HNRNPA2B1: variants seen among roughly 807,000 people sequenced by gnomAD.
The protein encoded by HNRNPA2B1 is heterogeneous nuclear ribonucleoproteins A2/B1.
Under a neutral mutation model 46.3 loss-of-function variants are expected in HNRNPA2B1, and 3 were observed. That is an observed-to-expected ratio of 0.06 (90% CI 0.03 to 0.17). The LOEUF (loss-of-function observed/expected upper bound fraction) is 0.17, where lower values mean the gene tolerates loss of function less well. Among genes scored for constraint, HNRNPA2B1 ranks in the 10% least tolerant of loss-of-function variants. HNRNPA2B1 has a pLI of 1.00. For synonymous variants in HNRNPA2B1, 225 were observed against 133.8 expected, an observed-to-expected ratio of 1.68 and a Z score of -4.70; for missense variants, 221 against 418.9, an observed-to-expected ratio of 0.53 and a Z score of 4.12.
chr7:26,193,170 GTATGTTATCTTCCC>G, intron 9 of HNRNPA2B1, 67 bp downstream of exon 9: 1 of 1,365,928 alleles, frequency 7.3e-7, no homozygotes, highest in Non-Finnish European at 1.0e-6. Context: ...AAACTACTTA[GTATGTTATCTTCCC>G]TTTAAGTCAC....
Position 26,193,771 on chromosome 7 carries a change from C to T in HNRNPA2B1, c.722-77G>A, listed in dbSNP as rs1169426492. ...TGAACTGTCTCCTCACATCCATTTCCAGCTTTCCAAGTTTCCATGTGAAAT... is the reference window on the plus strand; with the variant it reads ...TGAACTGTCTCCTCACATCCATTTCTAGCTTTCCAAGTTTCCATGTGAAAT... On this transcript the variant is annotated intron_variant, in intron 7 of 10. Transcript: ENST00000618183. The T allele has an allele frequency of 8.9e-6, 11 of 1,237,668 alleles. No homozygotes were observed. In the East Asian group the frequency reaches 2.7e-4, roughly 30 times the overall value. The allele number at this position is 1,237,668 out of a possible 1,614,324, so 76.7% of individuals were successfully genotyped here.
chr7:26,196,115 T>TA (rs1216100539), intron 6 of HNRNPA2B1, among the ~76,000 whole-genome samples: 13 of 152,184 alleles, frequency 8.5e-5, no homozygotes, highest in African/African-American at 2.4e-5. Context: ...GTCTCAATCT[T>TA]AGAGATTCCA....
intron 1 of HNRNPA2B1, 71 bp from the exon 2 acceptor site, chr7:26,197,803 AAT>A: frequency 1.2e-6 from 2 of 1,604,704 alleles, no homozygotes; most frequent in Non-Finnish European, 1.7e-6. Flanking sequence ...TAAATTCTTA[AAT>A]ATGAGGTGAC....
intron 1 of HNRNPA2B1, chr7:26,199,428 G>A (rs1286828369): frequency 2.0e-5 from 3 of 152,242 alleles, no homozygotes; most frequent in South Asian, 2.1e-4. Context: ...TTACAGGAAG[G>A]AGCCTCTGAA....
intron 9 of HNRNPA2B1, 91 bp from the exon 10 acceptor site, chr7:26,192,668 C>A (rs1483898871): frequency 6.6e-6 from 7 of 1,064,198 alleles, no homozygotes; most frequent in Non-Finnish European, 1.0e-5. Context: ...TTATATCCAT[C>A]CAGTCTTTTA....
At chr7:26,197,927 G>C in intron 1 of HNRNPA2B1, 195 bp from the exon 2 acceptor site, 1 of 1,281,696 alleles carries the variant, frequency 7.8e-7, no homozygotes, top group South Asian at 1.4e-5. Flanking sequence ...CATATTAGTT[G>C]TGTTACACCA....
At chr7:26,197,526 A>C in intron 2 of HNRNPA2B1, 65 bp from the exon 3 acceptor site, 1 of 1,581,540 alleles carries the variant, frequency 6.3e-7, no homozygotes. Flanking sequence ...AAGTCATAAT[A>C]GAATTTTTTA....
chr7:26,195,350 T>A (rs769335020), intron 7 of HNRNPA2B1, among the ~76,000 whole-genome samples: 1 of 152,194 alleles, frequency 6.6e-6, no homozygotes, highest in African/African-American at 2.4e-5. Context: ...GCCAATGATA[T>A]ATCACACTTC....
rs1445231809 is a variant in HNRNPA2B1 at position 26,191,661 on chromosome 7, G to A, written c.*699C>T. On this transcript the variant is annotated 3_prime_UTR_variant, in exon 11 of 11. Transcript: ENST00000618183. Reference sequence around the variant, plus strand: ...CAGCATCTAAAAGATCTAAAAAGGTGTTTCTCCTTGCAGAGATATCCCTTA... The same window carrying A: ...CAGCATCTAAAAGATCTAAAAAGGTATTTCTCCTTGCAGAGATATCCCTTA... The A allele has an allele frequency of 6.6e-6, 1 of 152,130 alleles. No homozygotes were observed. Among genetic ancestry groups the A allele is most frequent in the Non-Finnish European group, 1.5e-5 (1 of 68,002 alleles). 9.4% of individuals were successfully genotyped at this position (152,130 alleles called of 1,614,324 possible).
intron 3 of HNRNPA2B1, 59 bp downstream of exon 3, chr7:26,197,256 G>A (rs1783752596): frequency 8.6e-6 from 13 of 1,517,534 alleles, no homozygotes; most frequent in East Asian, 2.3e-5. Flanking sequence ...AATAGTTTCT[G>A]ATTTTCAGCA....
intron 1 of HNRNPA2B1, chr7:26,199,147 G>A (rs949066390): frequency 1.3e-5 from 2 of 152,464 alleles, no homozygotes; most frequent in African/African-American, 2.4e-5. Flanking sequence ...TTTATAACAA[G>A]TTTTACAAAT....
rs1220108918 is a variant in HNRNPA2B1 at position 26,190,346 on chromosome 7, C to T, written c.*2014G>A. 2 of 152,446 alleles carry T rather than the reference C, an allele frequency of 1.3e-5. No individual in the cohort carries two copies. The highest frequency in any genetic ancestry group is 2.4e-5 in the African/African-American group (1 of 41,382). 9.4% of individuals were successfully genotyped at this position (152,446 alleles called of 1,614,324 possible). ...CATTTCCCTTTTATTTTAAAGAGTGCTTTTTAAATGAAGGCACCAACAAGA... is the reference window on the plus strand; with the variant it reads ...CATTTCCCTTTTATTTTAAAGAGTGTTTTTTAAATGAAGGCACCAACAAGA... On this transcript the variant is annotated 3_prime_UTR_variant, in exon 11 of 11. Transcript: ENST00000618183.
rs1299998428 is a variant in HNRNPA2B1 at position 26,197,602 on chromosome 7, C to T, written c.117+20G>A. On this transcript the variant is annotated intron_variant, in intron 2 of 10. Coordinates refer to ENST00000618183, the MANE Select transcript of HNRNPA2B1 (RefSeq NM_002137.4). ...CAGCTAAAAGACTAATATCCAGTAA[C>T]AATTCAGTAATTTACATACCACACA... 5 of 1,587,722 alleles carry T rather than the reference C, an allele frequency of 3.1e-6. No individual in the cohort carries two copies. The highest frequency in any genetic ancestry group is 2.2e-5 in the East Asian group (1 of 44,744).
chr7:26,192,752 A>G (rs533010822), intron 9 of HNRNPA2B1, among the ~76,000 whole-genome samples, 175 bp from the exon 10 acceptor site: 1 of 152,300 alleles, frequency 6.6e-6, no homozygotes, highest in East Asian at 1.9e-4. Context: ...GTTCATAGAC[A>G]TTTTTATTTC....
At chr7:26,195,814 CAT>C in intron 7 of HNRNPA2B1, 31 bp downstream of exon 7, 1 of 1,604,394 alleles carries the variant, frequency 6.2e-7, no homozygotes, top group Non-Finnish European at 8.5e-7. Context: ...GTATTAGTCA[CAT>C]AAACAAACCA....
At chr7:26,199,075 TTTA>T (rs1584006139) in intron 1 of HNRNPA2B1, 1 of 152,338 alleles carries the variant, frequency 6.6e-6, no homozygotes, top group African/African-American at 2.4e-5. Context: ...TCAGCTAGTT[TTTA>T]TTCTTAATTG....
chr7:26,195,025 CAG>C (rs892553792), intron 7 of HNRNPA2B1, among the ~76,000 whole-genome samples: 1 of 139,056 alleles, frequency 7.2e-6, no homozygotes, highest in African/African-American at 2.8e-5. Flanking sequence ...ACCGGGAAGG[CAG>C]AGATTGCAGT....
Position 26,192,411 on chromosome 7 carries a change from A to T in HNRNPA2B1, c.*22-73T>A, listed in dbSNP as rs76429846. ...ATCCATCTAACCAGATTTTAAGGAAAGATAACATGATCCTAAAAAGCTTTT... is the reference window on the plus strand; with the variant it reads ...ATCCATCTAACCAGATTTTAAGGAATGATAACATGATCCTAAAAAGCTTTT... On this transcript the variant is annotated intron_variant, in intron 10 of 10. Transcript: ENST00000618183. The T allele has an allele frequency of 4.4e-4, 394 of 893,774 alleles. 1 individual carries two copies. In the African/African-American group the frequency reaches 5.6e-3, roughly 13 times the overall value. 55.4% of individuals were successfully genotyped at this position (893,774 alleles called of 1,614,324 possible). A position where few individuals can be genotyped will look rare whatever the true frequency, so the allele number is the denominator to read the frequency against.
intron 7 of HNRNPA2B1, chr7:26,195,578 AGAT>A (rs1308420097): frequency 2.6e-6 from 1 of 388,488 alleles, no homozygotes; most frequent in African/African-American, 2.1e-5. Context: ...GCACGTACAA[AGAT>A]ATATCTAGAT....
Sources: allele counts gnomAD v4.1 joint callset (sites outside exome capture counted in the v4.1 genomes callset), GRCh38; gene constraint gnomAD v4.1.1; transcripts MANE v1.5; gene names NCBI Gene and HGNC (gene_info 2026-07-23, HGNC 2026-07-21).